MEGF9: variants seen among roughly 807,000 people sequenced by gnomAD.
MEGF9 encodes the protein multiple epidermal growth factor-like domains protein 9.
Under a neutral mutation model 46.8 loss-of-function variants are expected in MEGF9, and 6 were observed. The observed-to-expected ratio is 0.13, with a 90% CI of 0.07 to 0.25. MEGF9 has a LOEUF of 0.25. Among genes scored for constraint, MEGF9 ranks in the 10% least tolerant of loss-of-function variants. The pLI, the probability that MEGF9 is intolerant of heterozygous loss-of-function variation, is 1.00. For missense variants in MEGF9, 683 were observed against 792.4 expected, an observed-to-expected ratio of 0.86 and a Z score of 1.66; for synonymous variants, 302 against 330.7, an observed-to-expected ratio of 0.91 and a Z score of 0.94.
intron 1 of MEGF9, among the ~76,000 whole-genome samples, chr9:120,705,633 T>C (rs557469740): frequency 1.3e-5 from 2 of 152,026 alleles, no homozygotes; most frequent in Non-Finnish European, 2.9e-5. Context: ...AGAGATTATT[T>C]TGATACAAAT....
chr9:120,607,336 G>C (rs1011216930), intron 5 of MEGF9, among the ~76,000 whole-genome samples: 4 of 152,198 alleles, frequency 2.6e-5, no homozygotes, highest in African/African-American at 9.6e-5. Flanking sequence ...ACAGATGCTA[G>C]AATGAACTCC....
chr9:120,699,881 G>A (rs1014345245), intron 1 of MEGF9, among the ~76,000 whole-genome samples: 1 of 151,776 alleles, frequency 6.6e-6, no homozygotes, highest in Non-Finnish European at 1.5e-5. Context: ...TAATACTAAA[G>A]GACCTCAAAC....
At chr9:120,687,645 C>A (rs1292415881) in intron 1 of MEGF9, among the ~76,000 whole-genome samples, 1 of 147,754 alleles carries the variant, frequency 6.8e-6, no homozygotes. Flanking sequence ...GTTCATTATA[C>A]AAAATTTGAA....
rs913807683 is a variant in MEGF9, at chr9:120,714,457, C to A, written c.-99G>T. On this transcript the variant is annotated 5_prime_UTR_variant, in exon 1 of 6. Transcript: ENST00000373930. Reference sequence around the variant, plus strand: ...CCGCCACCGCCACCGGGCGCACCATCGCCACCTCCCTCTGACAGGCGGCCG... The same window carrying A: ...CCGCCACCGCCACCGGGCGCACCATAGCCACCTCCCTCTGACAGGCGGCCG... 3.8e-6 allele frequency: 4 copies of A among 1,053,388 alleles called. No homozygotes were observed. Among genetic ancestry groups the A allele is most frequent in the South Asian group, 4.3e-5 (1 of 23,384 alleles). 65.3% of individuals were successfully genotyped at this position (1,053,388 alleles called of 1,614,324 possible).
intron 2 of MEGF9, among the ~76,000 whole-genome samples, chr9:120,628,615 C>T (rs1423230857): frequency 3.3e-5 from 5 of 151,488 alleles, no homozygotes; most frequent in Admixed American, 1.3e-4. Flanking sequence ...GCCAGTGATG[C>T]CTGCATATGA....
chr9:120,692,493 GT>G (rs752807609), intron 1 of MEGF9, among the ~76,000 whole-genome samples: 51 of 152,256 alleles, frequency 3.3e-4, no homozygotes, highest in Admixed American at 9.8e-4. Context: ...ACTTATAGAA[GT>G]ATGTTGCAGT....
intron 3 of MEGF9, among the ~76,000 whole-genome samples, chr9:120,614,202 T>C (rs1340520809): frequency 6.6e-6 from 1 of 152,130 alleles, no homozygotes; most frequent in Admixed American, 6.5e-5. Flanking sequence ...TTTTGTATTT[T>C]AGTAGAGATA....
chr9:120,682,969 A>G (rs2132333778), intron 1 of MEGF9, among the ~76,000 whole-genome samples: 1 of 152,364 alleles, frequency 6.6e-6, no homozygotes, highest in South Asian at 2.1e-4. Flanking sequence ...TATCTTGGGA[A>G]AATACATGGG....
At chr9:120,620,282 G>A (rs959411600) in intron 3 of MEGF9, among the ~76,000 whole-genome samples, 7 of 152,096 alleles carry the variant, frequency 4.6e-5, no homozygotes, top group African/African-American at 1.2e-4. Flanking sequence ...AATTTTAATC[G>A]ACTCAGTATA....
rs148276497 is a variant in MEGF9, at chr9:120,661,166, G to A, written c.602-1591C>T. ...ACACTTCTGCAGTTCCTAACCTTTG[G>A]TGTCACTTTATTTCCCTGCTCTTCA... On this transcript the variant is annotated intron_variant, in intron 1 of 5. Transcript: ENST00000373930. Among the ~76,000 whole-genome samples the A allele has an allele frequency of 2.2e-4, 33 of 152,226 alleles. No individual in the cohort carries two copies. In the East Asian group the frequency reaches 6.4e-3, roughly 29 times the overall value.
At chr9:120,696,282 C>G (rs977203528) in intron 1 of MEGF9, among the ~76,000 whole-genome samples, 3 of 152,108 alleles carry the variant, frequency 2.0e-5, no homozygotes, top group Non-Finnish European at 2.9e-5. Context: ...TAGGGCATCC[C>G]AGGTAGAGGG....
intron 2 of MEGF9, among the ~76,000 whole-genome samples, chr9:120,629,653 G>T (rs981240162): frequency 6.6e-6 from 1 of 151,294 alleles, no homozygotes; most frequent in African/African-American, 2.4e-5. Flanking sequence ...AAAATTTTTG[G>T]CTGGGTGCAG....
chr9:120,710,797 T>C (rs1489681324), intron 1 of MEGF9, among the ~76,000 whole-genome samples: 2 of 152,238 alleles, frequency 1.3e-5, no homozygotes, highest in Non-Finnish European at 2.9e-5. Context: ...GTTTTCCTTC[T>C]GCCAAAGAGA....
chr9:120,692,092 A>G (rs146304751), intron 1 of MEGF9, among the ~76,000 whole-genome samples: 2 of 152,294 alleles, frequency 1.3e-5, no homozygotes, highest in Admixed American at 6.5e-5. Flanking sequence ...AATCTAATAC[A>G]TAAGTATTCT....
chr9:120,641,389 A>G (rs1427320181), intron 2 of MEGF9, among the ~76,000 whole-genome samples: 6 of 152,200 alleles, frequency 3.9e-5, no homozygotes, highest in African/African-American at 1.2e-4. Context: ...CTCAACCCCA[A>G]TATTCCATCA....
intron 2 of MEGF9, among the ~76,000 whole-genome samples, chr9:120,654,531 C>T (rs146244178): frequency 1.1e-4 from 17 of 152,292 alleles, no homozygotes; most frequent in Admixed American, 2.0e-4. Flanking sequence ...AAACCTACTG[C>T]ACTGCCAATC....
chr9:120,628,495 T>TTTC (rs1430387520), intron 2 of MEGF9, among the ~76,000 whole-genome samples: 5 of 142,758 alleles, frequency 3.5e-5, no homozygotes, highest in Admixed American at 6.9e-5. Context: ...TTTTTTTTTT[T>TTTC]CAGAGACAGA....
intron 1 of MEGF9, among the ~76,000 whole-genome samples, chr9:120,709,836 G>A (rs1588003101): frequency 6.6e-6 from 1 of 151,854 alleles, no homozygotes; most frequent in East Asian, 1.9e-4. Flanking sequence ...ATTACCTGAG[G>A]TCAGAAGTTC....
chr9:120,616,181 T>A (rs1466038339), intron 3 of MEGF9, among the ~76,000 whole-genome samples: 1 of 151,972 alleles, frequency 6.6e-6, no homozygotes, highest in Admixed American at 6.6e-5. Flanking sequence ...AATAACACAC[T>A]GTAAAATATA....
Sources: gnomAD v4.1 joint callset for allele counts (sites outside exome capture counted in the v4.1 genomes callset) on GRCh38, gnomAD v4.1.1 for gene constraint, MANE v1.5 for transcripts, NCBI Gene and HGNC (gene_info 2026-07-23, HGNC 2026-07-21) for gene names.